Variants in MBTD1 observed in about 807,000 individuals in gnomAD.
MBTD1 encodes MBT domain-containing protein 1.
Under a neutral mutation model 87.8 loss-of-function variants are expected in MBTD1, and 24 were observed. The ratio of observed to expected loss-of-function variants is 0.27; its 90% CI spans 0.20 to 0.38. MBTD1 has a LOEUF of 0.38. Among genes scored for constraint, MBTD1 ranks in the 10% least tolerant of loss-of-function variants. MBTD1 has a pLI of 1.00. For missense variants in MBTD1, 436 were observed against 760.2 expected (o/e 0.57, Z 5.02); for synonymous variants, 237 against 248.6 (o/e 0.95, Z 0.44).
intron 2 of MBTD1, among the ~76,000 whole-genome samples, chr17:51,253,356 A>T (rs1436232094): frequency 6.6e-6 from 1 of 152,202 alleles, no homozygotes; most frequent in Non-Finnish European, 1.5e-5. Context: ...ACATACAAGG[A>T]CACAAGAACC....
At chr17:51,197,610 G>A (rs1248111138) in intron 12 of MBTD1, among the ~76,000 whole-genome samples, 2 of 151,114 alleles carry the variant, frequency 1.3e-5, no homozygotes, top group Non-Finnish European at 2.9e-5. Flanking sequence ...GAGCTCAGGT[G>A]ATGCTCCCAC....
At chr17:51,199,529 C>T (rs2051336609) in intron 12 of MBTD1, among the ~76,000 whole-genome samples, 1 of 151,990 alleles carries the variant, frequency 6.6e-6, no homozygotes, top group Admixed American at 6.6e-5. Flanking sequence ...GCAACCTCCC[C>T]TTCCTGGGTT....
intron 13 of MBTD1, among the ~76,000 whole-genome samples, chr17:51,194,742 G>T (rs77729274): frequency 5.2e-4 from 77 of 148,144 alleles, no homozygotes; most frequent in African/African-American, 1.7e-3. Context: ...AAAAAAAAAA[G>T]TCAGACATGG....
intron 16 of MBTD1, chr17:51,185,238 G>A (rs2050482608): frequency 6.6e-6 from 1 of 152,190 alleles, no homozygotes; most frequent in Non-Finnish European, 1.5e-5. Context: ...AAAAGCAATA[G>A]TTAGCATATG....
At chr17:51,224,359 G>A (rs2053090430) in intron 3 of MBTD1, among the ~76,000 whole-genome samples, 1 of 152,166 alleles carries the variant, frequency 6.6e-6, no homozygotes, top group South Asian at 2.1e-4. Context: ...GGAGAAAAAA[G>A]ATGTCATTAG....
chr17:51,220,320 GTACCGT>G lies in MBTD1; in HGVS notation c.288+4_288+9del. On this transcript the variant is annotated splice_donor_5th_base_variant and intron_variant, in intron 4 of 16. Coordinates refer to ENST00000586178, the MANE Select transcript of MBTD1 (RefSeq NM_017643.3). Reference sequence around the variant, plus strand: ...AATGGATATAAGTAAGAAAGTTTCTGTACCGTTACCTGAAGTCTGGCCAAAATGCTT... The same window carrying G: ...AATGGATATAAGTAAGAAAGTTTCTGTACCTGAAGTCTGGCCAAAATGCTT... The G allele has an allele frequency of 6.5e-7, 1 of 1,543,500 alleles. No homozygotes were observed. The highest frequency in any genetic ancestry group is 8.7e-7 in the Non-Finnish European group (1 of 1,143,028).
chr17:51,251,609 C>A (rs983998078), intron 2 of MBTD1: 1 of 152,176 alleles, frequency 6.6e-6, no homozygotes, highest in African/African-American at 2.4e-5. Flanking sequence ...TTCCCTCTCT[C>A]ACTCTTAACA....
intron 6 of MBTD1, among the ~76,000 whole-genome samples, chr17:51,211,153 A>G (rs2052182012): frequency 6.6e-6 from 1 of 150,910 alleles, no homozygotes; most frequent in Non-Finnish European, 1.5e-5. Context: ...AAAAAAGAAA[A>G]AAAAAAAAAG....
At chr17:51,226,983 C>CT (rs1268973210) in intron 2 of MBTD1, among the ~76,000 whole-genome samples, 2 of 151,864 alleles carry the variant, frequency 1.3e-5, no homozygotes, top group Non-Finnish European at 2.9e-5. Flanking sequence ...TGACTCACGC[C>CT]TGTAATCCCA....
At chr17:51,236,073 A>G (rs2053815001) in intron 2 of MBTD1, among the ~76,000 whole-genome samples, 1 of 152,144 alleles carries the variant, frequency 6.6e-6, no homozygotes, top group African/African-American at 2.4e-5. Flanking sequence ...CTATAGATAC[A>G]TATAGAGTGT....
In MBTD1 at chr17:51,180,470, T is replaced by G; in HGVS notation, c.*106A>C. ...AAAAATCTGGAACTGAAATCTTCTATGTTTAGCAAAATGTCCCAGTAGAGT... is the reference window on the plus strand; with the variant it reads ...AAAAATCTGGAACTGAAATCTTCTAGGTTTAGCAAAATGTCCCAGTAGAGT... On this transcript the variant is annotated 3_prime_UTR_variant, in exon 17 of 17. Coordinates refer to ENST00000586178, the MANE Select transcript of MBTD1 (RefSeq NM_017643.3). The G allele has an allele frequency of 4.5e-6, 1 of 221,602 alleles. No homozygotes were observed. 13.7% of individuals were successfully genotyped at this position (221,602 alleles called of 1,614,324 possible). A position where few individuals can be genotyped will look rare whatever the true frequency, so the allele number is the denominator to read the frequency against.
chr17:51,202,938 T>G lies in MBTD1; in HGVS notation c.829-3A>C. On this transcript the variant is annotated splice_polypyrimidine_tract_variant and splice_region_variant and intron_variant, in intron 9 of 16. Coordinates refer to ENST00000586178, the MANE Select transcript of MBTD1 (RefSeq NM_017643.3). ...GGATACTGCATACTCTCTGAAACCT[T>G]AAAAGCATACAAAAAAAACTGCTCG... 6.2e-7 allele frequency: 1 copy of G among 1,604,994 alleles called. No individual in the cohort carries two copies. The highest frequency in any genetic ancestry group is 8.5e-7 in the Non-Finnish European group (1 of 1,172,270).
At chr17:51,219,724 T>G (rs937931836) in intron 4 of MBTD1, among the ~76,000 whole-genome samples, 1 of 152,186 alleles carries the variant, frequency 6.6e-6, no homozygotes, top group African/African-American at 2.4e-5. Flanking sequence ...CAAAAATCAG[T>G]TAAGTTAATG....
intron 6 of MBTD1, chr17:51,209,302 C>T (rs2052032584): frequency 2.1e-6 from 1 of 465,728 alleles, no homozygotes; most frequent in Non-Finnish European, 4.5e-6. Context: ...TTACAGGTAA[C>T]AACAAATTTA....
Position 51,206,874 on chromosome 17 carries a change from T to C in MBTD1, c.604+14A>G, listed in dbSNP as rs2051875630. On this transcript the variant is annotated intron_variant, in intron 7 of 16. Coordinates refer to ENST00000586178, the MANE Select transcript of MBTD1 (RefSeq NM_017643.3). ...CTCTGCATTTTCTACTAAACTATTA[T>C]TCATGCTTTTCACCTGCTAATTTTA... 10 of 1,503,430 alleles carry C rather than the reference T, an allele frequency of 6.7e-6. No homozygotes were observed. The highest frequency in any genetic ancestry group is 9.3e-6 in the Non-Finnish European group (10 of 1,079,876). 93.1% of individuals were successfully genotyped at this position (1,503,430 alleles called of 1,614,324 possible). A position where few individuals can be genotyped will look rare whatever the true frequency, so the allele number is the denominator to read the frequency against.
At chr17:51,192,359 A>G in intron 15 of MBTD1, 79 bp from the exon 16 acceptor site, 2 of 981,174 alleles carry the variant, frequency 2.0e-6, no homozygotes, top group South Asian at 2.9e-5. Context: ...TACAACTTAT[A>G]TGAACTATCT....
intron 16 of MBTD1, among the ~76,000 whole-genome samples, chr17:51,191,183 G>C (rs914693528): frequency 2.6e-5 from 4 of 151,128 alleles, no homozygotes; most frequent in African/African-American, 9.8e-5. Context: ...ATCAAACATA[G>C]TTATCAATAT....
Position 51,193,421 on chromosome 17 carries a change from A to T in MBTD1, c.1455+7T>A, listed in dbSNP as rs1285968327. ...CCTCACATAATTATGCTGCCATTTA[A>T]ATTTACCTTATTAAATAGTTTTACT... On this transcript the variant is annotated splice_region_variant and intron_variant, in intron 14 of 16. Transcript: ENST00000586178. 1 of 1,597,040 alleles carries T rather than the reference A, an allele frequency of 6.3e-7. No individual in the cohort carries two copies.
At chr17:51,216,237 C>A (rs1012125397) in intron 6 of MBTD1, among the ~76,000 whole-genome samples, 2 of 152,008 alleles carry the variant, frequency 1.3e-5, no homozygotes, top group East Asian at 3.9e-4. Context: ...CGGCCTAGAG[C>A]CCTAAGTTAA....
Sources: allele counts gnomAD v4.1 joint callset (sites outside exome capture counted in the v4.1 genomes callset), GRCh38; gene constraint gnomAD v4.1.1; transcripts MANE v1.5; gene names NCBI Gene and HGNC (gene_info 2026-07-23, HGNC 2026-07-21).